The following MYT1L variants were observed in gnomAD, a reference collection of about 807,000 sequenced individuals.
The protein encoded by MYT1L is myelin transcription factor 1 like, also known as myelin transcription factor 1-like protein.
A neutral mutation model predicts 126.7 loss-of-function variants in MYT1L; 12 were observed. That is an observed-to-expected ratio of 0.09 (90% CI 0.06 to 0.15). The LOEUF (loss-of-function observed/expected upper bound fraction) is 0.15. Among genes scored for constraint, MYT1L ranks in the 10% least tolerant of loss-of-function variants. MYT1L has a pLI of 1.00. For synonymous variants in MYT1L, 541 were observed against 604.2 expected, an observed-to-expected ratio of 0.90 and a Z score of 1.53; for missense variants, 979 against 1,585.2, an observed-to-expected ratio of 0.62 and a Z score of 6.49.
chr2:2,080,531 C>T (rs1384465650), intron 3 of MYT1L, among the ~76,000 whole-genome samples: 6 of 152,114 alleles, frequency 3.9e-5, no homozygotes, highest in African/African-American at 1.4e-4. Context: ...TAGACATTTT[C>T]CCAAAGAAAA....
intron 18 of MYT1L, among the ~76,000 whole-genome samples, chr2:1,863,972 C>G (rs1401769724): frequency 6.6e-6 from 1 of 152,120 alleles, no homozygotes; most frequent in Non-Finnish European, 1.5e-5. Flanking sequence ...GAGAGGAGCT[C>G]AAGGACCGCT....
intron 1 of MYT1L, among the ~76,000 whole-genome samples, chr2:2,290,339 T>C (rs1034778213): frequency 6.6e-6 from 1 of 152,230 alleles, no homozygotes; most frequent in Non-Finnish European, 1.5e-5. Flanking sequence ...TTTCGTTTTT[T>C]AAAAGGTTCT....
At chr2:2,106,119 T>A (rs1243879520) in intron 3 of MYT1L, among the ~76,000 whole-genome samples, 2 of 152,196 alleles carry the variant, frequency 1.3e-5, no homozygotes, top group Non-Finnish European at 2.9e-5. Context: ...ATGGAGGGAA[T>A]GTGGCTCACC....
chr2:1,994,893 TCTA>T (rs2061708674), intron 5 of MYT1L, among the ~76,000 whole-genome samples: 1 of 152,232 alleles, frequency 6.6e-6, no homozygotes, highest in South Asian at 2.1e-4. Flanking sequence ...TTTAAATTAT[TCTA>T]CTTATTTTTT....
Position 2,110,579 on chromosome 2 carries a change from C to T in MYT1L, c.-303-56456G>A, listed in dbSNP as rs562902589. The stretch of plus-strand genomic sequence containing the variant: ...CCCTCCCTCCCTCCCTCCCTCTCTC[C>T]TTCTCTTCCTCCCTCCCTCTATTTC... On this transcript the variant is annotated intron_variant, in intron 3 of 24. Transcript: ENST00000647738. Among the ~76,000 whole-genome samples the T allele has an allele frequency of 3.7e-3, 545 of 146,914 alleles. 2 individuals carry two copies. The highest frequency in any genetic ancestry group is 0.013 in the African/African-American group (525 of 39,998).
At position 2,137,685 on chromosome 2, in the gene MYT1L, C is replaced by T. The variant is rs542185857; in HGVS notation, c.-304+35187G>A. ...GCTTCCTTACACCTTATACAAAAAT[C>T]AATTCAAGATGGATTAAAGACTTAA... is the stretch of plus-strand genomic sequence containing the variant. On this transcript the variant is annotated intron_variant, in intron 3 of 24. Coordinates refer to ENST00000647738, the MANE Select transcript of MYT1L (RefSeq NM_001303052.2). 1.1e-4 allele frequency among the ~76,000 whole-genome samples: 16 copies of T among 152,140 alleles called. No individual in the cohort carries two copies. The South Asian group carries it at 2.7e-3, about 26-fold the overall frequency.
intron 3 of MYT1L, among the ~76,000 whole-genome samples, chr2:2,125,535 A>AGGAT (rs1417540583): frequency 6.6e-6 from 1 of 152,196 alleles, no homozygotes; most frequent in Non-Finnish European, 1.5e-5. Context: ...ATCAACCTTA[A>AGGAT]TAAATATTTG....
chr2:1,827,156 G>A (rs1406035014), intron 21 of MYT1L: 1 of 152,414 alleles, frequency 6.6e-6, no homozygotes, highest in Admixed American at 6.5e-5. Context: ...GATGACTGAA[G>A]GGCTGATAGT....
chr2:2,283,627 G>C (rs968395370), intron 2 of MYT1L, among the ~76,000 whole-genome samples: 8 of 152,284 alleles, frequency 5.3e-5, no homozygotes, highest in Admixed American at 2.0e-4. Flanking sequence ...GGCCACAGAA[G>C]CTGAGAGTCT....
At chr2:2,222,080 A>C (rs971826231) in intron 2 of MYT1L, among the ~76,000 whole-genome samples, 1 of 152,236 alleles carries the variant, frequency 6.6e-6, no homozygotes, top group Admixed American at 6.5e-5. Context: ...CTACACTTTC[A>C]TAGGTAGAAC....
chr2:2,054,445 G>C (rs954726092), intron 3 of MYT1L, among the ~76,000 whole-genome samples: 13 of 152,082 alleles, frequency 8.5e-5, no homozygotes, highest in Admixed American at 2.6e-4. Context: ...GAAACACTCA[G>C]AGGTGAGATC....
Position 1,979,029 on chromosome 2 carries a change from C to A in MYT1L, c.152+136G>T. The stretch of plus-strand genomic sequence containing the variant: ...CTTTCAAGAGACAAAGACTGAGTTC[C>A]AGTGTGAGAAGAAAAAGAAGGCATA... On this transcript the variant is annotated intron_variant, in intron 8 of 24. Coordinates refer to ENST00000647738, the MANE Select transcript of MYT1L (RefSeq NM_001303052.2). This position sits in a 1 kb window ranked among gnomAD's most constrained non-coding sequence, Gnocchi z 4.0. 1 of 692,222 alleles carries A rather than the reference C, an allele frequency of 1.4e-6. No individual in the cohort carries two copies. Among genetic ancestry groups the A allele is most frequent in the Admixed American group, 2.6e-5 (1 of 38,206 alleles). The allele number at this position is 692,222 out of a possible 1,614,324, so 42.9% of individuals were successfully genotyped here.
At chr2:1,903,946 T>TGC (rs1414252067) in intron 13 of MYT1L, among the ~76,000 whole-genome samples, 3 of 152,158 alleles carry the variant, frequency 2.0e-5, no homozygotes, top group Admixed American at 6.5e-5. Context: ...TGTGTGTGTG[T>TGC]GTGCGCGTGC....
At chr2:2,108,408 G>A (rs2079008561) in intron 3 of MYT1L, among the ~76,000 whole-genome samples, 1 of 152,172 alleles carries the variant, frequency 6.6e-6, no homozygotes, top group South Asian at 2.1e-4. Context: ...ATTCTATGGA[G>A]GTTTTTCCTT....
chr2:2,113,093 G>T (rs2079692465), intron 3 of MYT1L, among the ~76,000 whole-genome samples: 1 of 152,168 alleles, frequency 6.6e-6, no homozygotes, highest in Non-Finnish European at 1.5e-5. Flanking sequence ...TCTCCTGGCT[G>T]GGAGAAGAAG....
rs920973389 is a variant in MYT1L, at chr2:1,993,625, T to C, written c.-1+3566A>G. Reference sequence around the variant, plus strand: ...CCTTTACTAACAAGGCTTATGTTGTTTTATTTCACTACAAAAATAATTTAC... The same window carrying C: ...CCTTTACTAACAAGGCTTATGTTGTCTTATTTCACTACAAAAATAATTTAC... On this transcript the variant is annotated intron_variant, in intron 5 of 24. Coordinates refer to ENST00000647738, the MANE Select transcript of MYT1L (RefSeq NM_001303052.2). 2.0e-5 allele frequency among the ~76,000 whole-genome samples: 3 copies of C among 152,354 alleles called. No individual in the cohort carries two copies. The East Asian group carries it at 5.8e-4, about 29-fold the overall frequency.
intron 1 of MYT1L, among the ~76,000 whole-genome samples, chr2:2,293,495 T>C (rs989665812): frequency 3.9e-5 from 6 of 152,132 alleles, no homozygotes; most frequent in Admixed American, 1.3e-4. Context: ...TGAGCACTGT[T>C]CCCACACAGG....
chr2:2,310,407 A>G (rs1432469148), intron 1 of MYT1L, among the ~76,000 whole-genome samples: 3 of 152,114 alleles, frequency 2.0e-5, no homozygotes, highest in African/African-American at 7.2e-5. Flanking sequence ...TACTTTATCT[A>G]TACTCCATCT....
At chr2:1,868,678 C>T (rs71440698) in intron 18 of MYT1L, among the ~76,000 whole-genome samples, 2,676 of 152,358 alleles carry the variant, frequency 0.018, 44 homozygotes, top group Non-Finnish European at 0.029. Context: ...TGCCCCCCTT[C>T]TCTGGCACTC....
Sources: gnomAD v4.1 joint callset for allele counts (sites outside exome capture counted in the v4.1 genomes callset) on GRCh38, gnomAD v4.1.1 for gene constraint, Gnocchi (gnomAD v3.1) non-coding constraint, MANE v1.5 for transcripts, NCBI Gene and HGNC (gene_info 2026-07-23, HGNC 2026-07-21) for gene names.